CELSR1: variants seen among roughly 807,000 people sequenced by gnomAD.
CELSR1 encodes the protein adhesion G protein-coupled receptor C1.
CELSR1 carries 110 observed loss-of-function variants against 249.1 expected under a neutral mutation model. The ratio of observed to expected loss-of-function variants is 0.44; its 90% CI spans 0.38 to 0.52. The LOEUF is 0.52. Among genes scored for constraint, CELSR1 ranks in the 20% least tolerant of loss-of-function variants. The pLI, the probability that CELSR1 is intolerant of heterozygous loss-of-function variation, is 0.00. For synonymous variants in CELSR1, 2,113 were observed against 1,900.0 expected, an observed-to-expected ratio of 1.11 and a Z score of -2.92; for missense variants, 4,109 against 4,296.4, an observed-to-expected ratio of 0.96 and a Z score of 1.22.
In CELSR1 at chr22:46,393,580, A is replaced by C. The variant is rs1281384175; in HGVS notation, c.5964+562T>G. Among the ~76,000 whole-genome samples, 3 of 152,184 alleles carry C rather than the reference A, an allele frequency of 2.0e-5. No homozygotes were observed. The highest frequency in any genetic ancestry group is 7.2e-5 in the African/African-American group (3 of 41,450). On this transcript the variant is annotated intron_variant, in intron 14 of 34. Transcript: ENST00000674500. The surrounding 1 kb of genome is among the most constrained non-coding windows in gnomAD (Gnocchi z 4.1). Reference sequence around the variant, plus strand: ...TGGTGAAATCCTGTCTCTACTAAAAATACAAAAATTAGCTGGGCATGGTGG... The same window carrying C: ...TGGTGAAATCCTGTCTCTACTAAAACTACAAAAATTAGCTGGGCATGGTGG...
rs28489539 is a variant in CELSR1, at chr22:46,404,322, G to A, written c.5227-4420C>T. Among the ~76,000 whole-genome samples the A allele has an allele frequency of 5.1e-3, 771 of 152,118 alleles. 9 individuals are homozygous for A. The highest frequency in any genetic ancestry group is 0.015 in the African/African-American group (603 of 41,504). Reference sequence around the variant, plus strand: ...AGCTACTCGGGAGGCTGAGGTAGGAGAATCCCTTGAACCTGGGAGGCAGAG... The same window carrying A: ...AGCTACTCGGGAGGCTGAGGTAGGAAAATCCCTTGAACCTGGGAGGCAGAG... On this transcript the variant is annotated intron_variant, in intron 9 of 34. Transcript: ENST00000674500.
intron 4 of CELSR1, among the ~76,000 whole-genome samples, chr22:46,435,567 G>A (rs2079649929): frequency 6.6e-6 from 1 of 152,114 alleles, no homozygotes; most frequent in Admixed American, 6.6e-5. Flanking sequence ...ACAGGCATGA[G>A]CCACTGCACC....
intron 5 of CELSR1, among the ~76,000 whole-genome samples, chr22:46,431,223 G>T (rs1357192369): frequency 1.3e-5 from 2 of 152,224 alleles, no homozygotes; most frequent in East Asian, 3.9e-4. Context: ...TGAGCTCCCG[G>T]AAAGGGGCGG....
In CELSR1 at chr22:46,536,803, G is replaced by T; in HGVS notation, c.368C>A (p.Thr123Asn). 1 of 1,197,736 alleles carries T rather than the reference G, an allele frequency of 8.3e-7. No individual in the cohort carries two copies. Among genetic ancestry groups the T allele is most frequent in the Non-Finnish European group, 1.0e-6 (1 of 967,734 alleles). The allele number at this position is 1,197,736 out of a possible 1,614,324, so 74.2% of individuals were successfully genotyped here. The change falls in exon 1 of 35, where the codon ACC becomes AAC. Residue 123 changes from threonine (T) to asparagine (N), a missense_variant. By Grantham distance (65) the Thr-to-Asn change is moderately conservative. This residue lies in a region of CELSR1 where 673 missense variants were observed against 636.8 expected (regional missense o/e 1.06). Coordinates refer to ENST00000674500, the MANE Select transcript of CELSR1 (RefSeq NM_001378328.1). ...GCGARARLCG[T>N]GARLCGALCF... ...GAGCGCCCCGCAGAGCCGGGCACCG[G>T]TTCCGCAGAGCCGGGCACGGGCTCC...
rs920581100 is a variant in CELSR1, at chr22:46,447,617, C to T, written c.4184-8206G>A. 6.6e-6 allele frequency among the ~76,000 whole-genome samples: 1 copy of T among 152,176 alleles called. No homozygotes were observed. Among genetic ancestry groups the T allele is most frequent in the African/African-American group, 2.4e-5 (1 of 41,430 alleles). On this transcript the variant is annotated intron_variant, in intron 2 of 34. Coordinates refer to ENST00000674500, the MANE Select transcript of CELSR1 (RefSeq NM_001378328.1). The surrounding 1 kb of genome is among the most constrained non-coding windows in gnomAD (Gnocchi z 4.7). ...TAGGAGGGACGCAGGGCTCAGCTTC[C>T]TGGCTATAGTACAGAAAAGCTTTTT...
At chr22:46,375,539 C>CTTTT (rs971800051) in intron 24 of CELSR1, among the ~76,000 whole-genome samples, 5 of 120,578 alleles carry the variant, frequency 4.1e-5, no homozygotes, top group Admixed American at 8.4e-5. Context: ...CTGCCAGGCT[C>CTTTT]TTTTTTTTTT....
rs752054689 is a variant in CELSR1 at position 46,490,141 on chromosome 22, T to A, written c.3545-25796A>T. Among the ~76,000 whole-genome samples the A allele has an allele frequency of 1.3e-5, 2 of 152,112 alleles. No individual in the cohort carries two copies. The highest frequency in any genetic ancestry group is 2.9e-5 in the Non-Finnish European group (2 of 67,996). ...AGTGTACACATGTCGACATGGCACT[T>A]CTACCTGGAGTGCATGGGTCCTGCT... On this transcript the variant is annotated intron_variant, in intron 1 of 34. Coordinates refer to ENST00000674500, the MANE Select transcript of CELSR1 (RefSeq NM_001378328.1). The surrounding 1 kb of genome is among the most constrained non-coding windows in gnomAD (Gnocchi z 5.2).
At chr22:46,475,996 C>A (rs570462706) in intron 1 of CELSR1, among the ~76,000 whole-genome samples, 16 of 152,104 alleles carry the variant, frequency 1.1e-4, no homozygotes, top group Admixed American at 1.3e-4. Context: ...GCCAGCCCAA[C>A]GCCAGCCTAA....
In CELSR1 at chr22:46,537,218, C is replaced by A. The variant is rs1246959747; in HGVS notation, c.-48G>T. ...CGGGCGCCCGAACACAATCCATGCA[C>A]CCGGCGCGCCTCCGCATCCACCCGG... is the stretch of plus-strand genomic sequence containing the variant. On this transcript the variant is annotated 5_prime_UTR_variant, in exon 1 of 35. Coordinates refer to ENST00000674500, the MANE Select transcript of CELSR1 (RefSeq NM_001378328.1). The surrounding 1 kb of genome is among the most constrained non-coding windows in gnomAD (Gnocchi z 5.8). 3.9e-6 allele frequency: 4 copies of A among 1,015,768 alleles called. No homozygotes were observed. Among genetic ancestry groups the A allele is most frequent in the Non-Finnish European group, 4.7e-6 (4 of 851,526 alleles). 62.9% of individuals were successfully genotyped at this position (1,015,768 alleles called of 1,614,324 possible).
In CELSR1 at chr22:46,439,399, T is replaced by C; in HGVS notation, c.4196A>G (p.Glu1399Gly). The C allele has an allele frequency of 1.2e-6, 2 of 1,612,646 alleles. No individual in the cohort carries two copies. The highest frequency in any genetic ancestry group is 1.7e-6 in the Non-Finnish European group (2 of 1,179,830). The change falls in exon 3 of 35, where the codon GAG becomes GGG. Residue 1399 changes from glutamate (E) to glycine (G), a missense_variant. Glu to Gly is a moderately conservative substitution (Grantham distance 98, BLOSUM62 -2). Around this residue, in one of 7 missense-constraint regions of CELSR1, gnomAD observed 453 missense variants for 492.0 expected, o/e 0.92. Transcript: ENST00000674500. ...ACAGCGGCCTGAGCGGGCATCCACC[T>C]CACAGTGCTCTCCTGGGGGGCGAGA... is the stretch of plus-strand genomic sequence containing the variant. ...CFEDFTGEHCEVDARSGRCAN... is the reference protein window; with the variant it reads ...CFEDFTGEHCGVDARSGRCAN...
chr22:46,389,490 G>C lies in CELSR1; in HGVS notation c.6355C>G (p.Leu2119Val). ...FVDLRAMNEK[L>V]SRNETQVDGA... ...TCCACCTGCGTCTCATTGCGGCTCA[G>C]CTTCTCATTCTGGAACAGGGAGGCA... Residue 2119 changes from leucine (L) to valine (V), a missense_variant, in exon 18 of 35, where the codon CTG (leucine) becomes GTG (valine). Leu to Val is a conservative substitution (Grantham distance 32). Coordinates refer to ENST00000674500, the MANE Select transcript of CELSR1 (RefSeq NM_001378328.1). 6.2e-7 allele frequency: 1 copy of C among 1,613,282 alleles called. No individual in the cohort carries two copies. The highest frequency in any genetic ancestry group is 8.5e-7 in the Non-Finnish European group (1 of 1,180,016).
chr22:46,409,257 C>CT lies in CELSR1; in HGVS notation c.5060-96dup. 7.4e-7 allele frequency: 1 copy of CT among 1,358,970 alleles called. No individual in the cohort carries two copies. The highest frequency in any genetic ancestry group is 1.0e-6 in the Non-Finnish European group (1 of 991,200). 84.2% of individuals were successfully genotyped at this position (1,358,970 alleles called of 1,614,324 possible). ...CGGGGGATGGGCCTGCAGGCTAGGC[C>CT]TGGGCCTTTTTCACTTTAACACGAA... is the stretch of plus-strand genomic sequence containing the variant. On this transcript the variant is annotated intron_variant, in intron 8 of 34. Transcript: ENST00000674500. The surrounding 1 kb of genome is among the most constrained non-coding windows in gnomAD (Gnocchi z 9.8).
intron 33 of CELSR1, 127 bp downstream of exon 33, chr22:46,364,385 G>A: frequency 6.7e-7 from 1 of 1,495,222 alleles, no homozygotes; most frequent in Admixed American, 2.1e-5. Context: ...TAGGCCAGGA[G>A]GCCACGTCTG....
At chr22:46,507,340 T>C (rs2080525011) in intron 1 of CELSR1, among the ~76,000 whole-genome samples, 1 of 149,370 alleles carries the variant, frequency 6.7e-6, no homozygotes, top group African/African-American at 2.5e-5. Context: ...GTCGGGGGGG[T>C]AGCCAGGGAG....
At chr22:46,452,129 C>T (rs1005049944) in intron 2 of CELSR1, among the ~76,000 whole-genome samples, 2 of 151,936 alleles carry the variant, frequency 1.3e-5, no homozygotes, top group Non-Finnish European at 2.9e-5. Context: ...TTCAGCGCCC[C>T]GGTTTGTGAT....
intron 2 of CELSR1, among the ~76,000 whole-genome samples, chr22:46,457,640 G>C (rs959673333): frequency 6.6e-6 from 1 of 152,228 alleles, no homozygotes; most frequent in Non-Finnish European, 1.5e-5. Context: ...CTCACAGCGC[G>C]GACAGAGATG....
intron 20 of CELSR1, among the ~76,000 whole-genome samples, chr22:46,382,346 C>T (rs999165170): frequency 3.9e-5 from 6 of 152,186 alleles, no homozygotes; most frequent in Admixed American, 2.0e-4. Flanking sequence ...GGCGCCATCT[C>T]GGCTCACTGC....
chr22:46,514,220 G>A (rs2080603484), intron 1 of CELSR1, among the ~76,000 whole-genome samples: 1 of 152,130 alleles, frequency 6.6e-6, no homozygotes, highest in South Asian at 2.1e-4. Flanking sequence ...TCCCACCCAG[G>A]TAGGCTCCAA....
In CELSR1 at chr22:46,386,573, A is replaced by C; in HGVS notation, c.6568T>G (p.Ser2190Ala). The C allele has an allele frequency of 2.5e-6, 4 of 1,594,336 alleles. No homozygotes were observed. Among genetic ancestry groups the C allele is most frequent in the Non-Finnish European group, 3.4e-6 (4 of 1,174,810 alleles). Reference protein sequence around the residue: ...DADFHEDVIHSGSALLAPATR... With the variant: ...DADFHEDVIHAGSALLAPATR... The stretch of plus-strand genomic sequence containing the variant: ...GCTGGGGCCAGGAGGGCGCTGCCCG[A>C]GTGGATGACGTCCTGGTCAGACAGA... The change falls in exon 19 of 35, where the codon TCG becomes GCG. Residue 2190 changes from serine (S) to alanine (A), a missense_variant. This residue lies in a region of CELSR1 where 1,805 missense variants were observed against 1,831.6 expected (regional missense o/e 0.99). Transcript: ENST00000674500.
Sources: gnomAD v4.1 joint callset for allele counts (sites outside exome capture counted in the v4.1 genomes callset) on GRCh38, gnomAD v4.1.1 for gene constraint, gnomAD v4.1.1 regional missense constraint, Gnocchi (gnomAD v3.1) non-coding constraint, MANE v1.5 for transcripts, NCBI Gene and HGNC (gene_info 2026-07-23, HGNC 2026-07-21) for gene names.